The following DPP10 variants were observed in gnomAD, a reference collection of about 807,000 sequenced individuals.
The protein encoded by DPP10 is dipeptidyl peptidase like 10, also known as inactive dipeptidyl peptidase 10.
DPP10 carries 33 observed loss-of-function variants against 120.9 expected under a neutral mutation model. The observed-to-expected ratio is 0.27, with a 90% CI of 0.21 to 0.37. The LOEUF (loss-of-function observed/expected upper bound fraction) is 0.37. DPP10 is among the 10% of genes least tolerant of loss of function. The pLI is 1.00. For missense variants in DPP10, 816 were observed against 942.8 expected (o/e 0.87, Z 1.76); for synonymous variants, 337 against 326.1 (o/e 1.03, Z -0.36).
chr2:115,630,443 T>G (rs1000794873), intron 5 of DPP10, among the ~76,000 whole-genome samples: 3 of 152,192 alleles, frequency 2.0e-5, no homozygotes, highest in African/African-American at 7.2e-5. Flanking sequence ...AAATACTATG[T>G]TAAATAGTAG....
At chr2:114,649,888 C>T (rs1696446446) in intron 1 of DPP10, among the ~76,000 whole-genome samples, 1 of 151,796 alleles carries the variant, frequency 6.6e-6, no homozygotes, top group Non-Finnish European at 1.5e-5. Context: ...TTTCTGGATT[C>T]TCTATGTTTT....
chr2:115,671,604 T>G (rs550610355), intron 5 of DPP10, among the ~76,000 whole-genome samples: 1 of 152,232 alleles, frequency 6.6e-6, no homozygotes, highest in African/African-American at 2.4e-5. Context: ...CTGTTTATTT[T>G]CAGTTTTAAT....
chr2:114,600,401 G>C (rs1692267113), intron 1 of DPP10, among the ~76,000 whole-genome samples: 1 of 151,526 alleles, frequency 6.6e-6, no homozygotes, highest in Non-Finnish European at 1.5e-5. Context: ...CCATTCATTT[G>C]ATGAGAATTT....
At chr2:115,409,058 A>G (rs2068741930) in intron 3 of DPP10, among the ~76,000 whole-genome samples, 1 of 152,138 alleles carries the variant, frequency 6.6e-6, no homozygotes, top group African/African-American at 2.4e-5. Context: ...AAAAATACTG[A>G]TAGACTTTTA....
intron 5 of DPP10, among the ~76,000 whole-genome samples, chr2:115,649,043 G>A (rs982547933): frequency 6.6e-6 from 1 of 152,068 alleles, no homozygotes; most frequent in African/African-American, 2.4e-5. Flanking sequence ...TTTAAAATGT[G>A]TCTTTCCAGC....
intron 1 of DPP10, among the ~76,000 whole-genome samples, chr2:115,037,530 T>C (rs1704311547): frequency 6.6e-6 from 1 of 152,192 alleles, no homozygotes; most frequent in East Asian, 1.9e-4. Context: ...CTCGAGAAGC[T>C]TGTATTTCTT....
intron 1 of DPP10, among the ~76,000 whole-genome samples, chr2:114,548,240 G>A (rs1279541662): frequency 1.3e-5 from 2 of 152,196 alleles, no homozygotes; most frequent in Non-Finnish European, 1.5e-5. Context: ...TTGAGTTCAG[G>A]TAGTGGGATT....
Position 115,170,272 on chromosome 2 carries a change from G to A in DPP10, c.61-138967G>A, listed in dbSNP as rs900684035. Among the ~76,000 whole-genome samples the A allele has an allele frequency of 4.6e-5, 7 of 152,006 alleles. No individual in the cohort carries two copies. In the East Asian group the frequency reaches 1.4e-3, roughly 29 times the overall value. On this transcript the variant is annotated intron_variant, in intron 1 of 25. Transcript: ENST00000410059. Reference sequence around the variant, plus strand: ...ATGGCTCTTTTTTTTCACTTCACATGTTTTAAAACAAGTACTAGAAGTCTT... The same window carrying A: ...ATGGCTCTTTTTTTTCACTTCACATATTTTAAAACAAGTACTAGAAGTCTT...
intron 7 of DPP10, among the ~76,000 whole-genome samples, chr2:115,695,487 C>T (rs1406521421): frequency 6.6e-6 from 1 of 152,078 alleles, no homozygotes; most frequent in Non-Finnish European, 1.5e-5. Context: ...TCACGTCTTA[C>T]ATGGCAGTGG....
chr2:114,628,913 G>A (rs1414941044), intron 1 of DPP10, among the ~76,000 whole-genome samples: 3 of 152,088 alleles, frequency 2.0e-5, no homozygotes, highest in Non-Finnish European at 2.9e-5. Context: ...TTATTTCTTT[G>A]TCTTTGTGGC....
chr2:115,702,805 A>G (rs549389266), intron 7 of DPP10, among the ~76,000 whole-genome samples: 1 of 152,250 alleles, frequency 6.6e-6, no homozygotes, highest in African/African-American at 2.4e-5. Flanking sequence ...TGTGCATACA[A>G]TACAAACTAT....
chr2:114,652,988 A>AAGAGAGAG (rs138466082), intron 1 of DPP10, among the ~76,000 whole-genome samples: 1 of 135,414 alleles, frequency 7.4e-6, no homozygotes, highest in African/African-American at 2.8e-5. Flanking sequence ...CTCTCATTGG[A>AAGAGAGAG]AGAGAGAGAG....
chr2:115,543,020 T>C (rs547912336), intron 5 of DPP10, among the ~76,000 whole-genome samples: 237 of 152,160 alleles, frequency 1.6e-3, no homozygotes, highest in Non-Finnish European at 3.0e-3. Context: ...TAAGTAACTT[T>C]GGCATGAGAC....
In DPP10 at chr2:114,862,108, T is replaced by A. The variant is rs137998849; in HGVS notation, c.60+419270T>A. On this transcript the variant is annotated intron_variant, in intron 1 of 25. Coordinates refer to ENST00000410059, the MANE Select transcript of DPP10 (RefSeq NM_020868.6). Reference sequence around the variant, plus strand: ...TTCACAGTCAAACCCAGAATTTTATTACCCATTTCAAAATTCCACTTCTCA... The same window carrying A: ...TTCACAGTCAAACCCAGAATTTTATAACCCATTTCAAAATTCCACTTCTCA... Among the ~76,000 whole-genome samples, 307 of 152,304 alleles carry A rather than the reference T, an allele frequency of 2.0e-3. 6 individuals are homozygous for A. In the East Asian group the frequency reaches 0.05, roughly 25 times the overall value.
chr2:114,818,537 T>C (rs1265034740), intron 1 of DPP10, among the ~76,000 whole-genome samples: 2 of 152,188 alleles, frequency 1.3e-5, no homozygotes, highest in Non-Finnish European at 2.9e-5. Flanking sequence ...AGACAACTTT[T>C]AATACCAAAG....
chr2:115,578,285 A>G (rs2081803369), intron 5 of DPP10, among the ~76,000 whole-genome samples: 3 of 152,168 alleles, frequency 2.0e-5, no homozygotes, highest in African/African-American at 7.2e-5. Context: ...GTTGACTCCA[A>G]TGACAAAATA....
intron 1 of DPP10, among the ~76,000 whole-genome samples, chr2:114,924,506 A>G (rs1013254406): frequency 9.2e-5 from 14 of 151,782 alleles, no homozygotes; most frequent in African/African-American, 3.1e-4. Context: ...AGCCTGGGCA[A>G]CAGAGTGAGA....
intron 5 of DPP10, among the ~76,000 whole-genome samples, chr2:115,646,030 C>T (rs191315155): frequency 6.6e-6 from 1 of 152,200 alleles, no homozygotes; most frequent in African/African-American, 2.4e-5. Flanking sequence ...CTGACTGATA[C>T]ACATATATAT....
intron 3 of DPP10, among the ~76,000 whole-genome samples, chr2:115,437,888 T>C (rs2071639264): frequency 6.6e-6 from 1 of 152,158 alleles, no homozygotes; most frequent in Admixed American, 6.6e-5. Context: ...ATAATTTCTT[T>C]TGTAACATAT....
Sources: gnomAD v4.1 joint callset for allele counts (sites outside exome capture counted in the v4.1 genomes callset) on GRCh38, gnomAD v4.1.1 for gene constraint, MANE v1.5 for transcripts, NCBI Gene and HGNC (gene_info 2026-07-23, HGNC 2026-07-21) for gene names.